The following GRIK1 variants were observed in gnomAD, a reference collection of about 807,000 sequenced individuals.
The protein encoded by GRIK1 is glutamate ionotropic receptor kainate type subunit 1, also known as glutamate receptor ionotropic, kainate 1.
In GRIK1, 69 loss-of-function variants were observed where a neutral mutation model predicts 105.7. That is an observed-to-expected ratio of 0.65 (90% CI 0.54 to 0.80). The LOEUF (loss-of-function observed/expected upper bound fraction) is 0.80, where lower values mean the gene tolerates loss of function less well. GRIK1 is among the 30% of genes least tolerant of loss of function. GRIK1 has a pLI of 0.00. For missense variants in GRIK1, 1,109 were observed against 1,167.3 expected, an observed-to-expected ratio of 0.95 and a Z score of 0.73; for synonymous variants, 438 against 431.3, an observed-to-expected ratio of 1.02 and a Z score of -0.19.
At chr21:29,854,120 C>A (rs898652705) in intron 1 of GRIK1, among the ~76,000 whole-genome samples, 2 of 151,970 alleles carry the variant, frequency 1.3e-5, no homozygotes, top group African/African-American at 4.8e-5. Flanking sequence ...AAGCATGATG[C>A]CTTCTGGTGA....
chr21:29,921,443 A>G (rs2071191230), intron 1 of GRIK1, among the ~76,000 whole-genome samples: 1 of 152,230 alleles, frequency 6.6e-6, no homozygotes, highest in Non-Finnish European at 1.5e-5. Context: ...TGGTTAAAAA[A>G]GTATCTTAAT....
intron 1 of GRIK1, among the ~76,000 whole-genome samples, chr21:29,695,046 A>T (rs1440569412): frequency 6.6e-6 from 1 of 151,982 alleles, no homozygotes; most frequent in Non-Finnish European, 1.5e-5. Context: ...CAGGTAACTG[A>T]AGAAATATGT....
rs141672961 is a variant in GRIK1, at chr21:29,777,584, C to T, written c.119-83521G>A. On this transcript the variant is annotated intron_variant, in intron 1 of 17. Transcript: ENST00000327783. The stretch of plus-strand genomic sequence containing the variant: ...GAAAAAGGTCTAATTGTGTTTGGAG[C>T]ATAGAGTGTTAAGGACATAGGTGAG... Among the ~76,000 whole-genome samples, 75 of 152,220 alleles carry T rather than the reference C, an allele frequency of 4.9e-4. No homozygotes were observed. The East Asian group carries it at 0.014, about 29-fold the overall frequency.
At position 29,696,869 on chromosome 21, in the gene GRIK1, A is replaced by T. The variant is rs146929585; in HGVS notation, c.119-2806T>A. Among the ~76,000 whole-genome samples the T allele has an allele frequency of 2.6e-3, 403 of 152,336 alleles. 4 individuals carry two copies. Among genetic ancestry groups the T allele is most frequent in the African/African-American group, 9.4e-3 (391 of 41,582 alleles). ...CCTGAATAGGAAACAGAAATTCTGA[A>T]TTTTGAAACCTGATCTACCTACTTC... On this transcript the variant is annotated intron_variant, in intron 1 of 17. Coordinates refer to ENST00000327783, the MANE Select transcript of GRIK1 (RefSeq NM_001330994.2).
chr21:29,936,878 C>G (rs1217910184), intron 1 of GRIK1, among the ~76,000 whole-genome samples: 1 of 152,144 alleles, frequency 6.6e-6, no homozygotes, highest in Non-Finnish European at 1.5e-5. Context: ...TATGAGGACC[C>G]AGTACTAAGT....
intron 1 of GRIK1, among the ~76,000 whole-genome samples, chr21:29,815,472 G>A (rs1054701006): frequency 1.3e-5 from 2 of 152,128 alleles, no homozygotes; most frequent in African/African-American, 4.8e-5. Flanking sequence ...ACTATGACTA[G>A]GGAGGTGGCA....
chr21:29,620,061 T>G (rs1351022552), intron 7 of GRIK1, among the ~76,000 whole-genome samples: 1 of 152,210 alleles, frequency 6.6e-6, no homozygotes, highest in East Asian at 1.9e-4. Flanking sequence ...AGAGATGCTG[T>G]GTCATCTGCA....
At chr21:29,710,562 G>A (rs2064019562) in intron 1 of GRIK1, among the ~76,000 whole-genome samples, 1 of 151,906 alleles carries the variant, frequency 6.6e-6, no homozygotes, top group Non-Finnish European at 1.5e-5. Context: ...TCAAGAATTT[G>A]TTTTAGACTG....
At chr21:29,905,855 T>C (rs2070616018) in intron 1 of GRIK1, among the ~76,000 whole-genome samples, 1 of 152,180 alleles carries the variant, frequency 6.6e-6, no homozygotes, top group African/African-American at 2.4e-5. Context: ...CTTGAACTTC[T>C]GACCTCAAGT....
At chr21:29,933,493 A>G (rs890162649) in intron 1 of GRIK1, among the ~76,000 whole-genome samples, 42 of 152,294 alleles carry the variant, frequency 2.8e-4, no homozygotes, top group African/African-American at 9.1e-4. Flanking sequence ...TTTGCTGCAG[A>G]ATTTCAAAAA....
At chr21:29,895,913 G>A (rs1310900407) in intron 1 of GRIK1, among the ~76,000 whole-genome samples, 4 of 152,180 alleles carry the variant, frequency 2.6e-5, no homozygotes, top group Non-Finnish European at 5.9e-5. Flanking sequence ...CATACTCAGT[G>A]TAGCACTTTC....
At chr21:29,590,977 A>G in intron 10 of GRIK1, 135 bp downstream of exon 10, 1 of 685,308 alleles carries the variant, frequency 1.5e-6, no homozygotes, top group Non-Finnish European at 2.7e-6. Flanking sequence ...GTACAAACAC[A>G]GGCTTTTAGT....
intron 1 of GRIK1, among the ~76,000 whole-genome samples, chr21:29,765,828 C>A (rs1241511476): frequency 2.0e-5 from 3 of 151,924 alleles, no homozygotes; most frequent in Non-Finnish European, 4.4e-5. Context: ...CTGTTCTTGT[C>A]AGCTTAAATT....
chr21:29,575,670 A>G (rs1433264641), intron 14 of GRIK1, among the ~76,000 whole-genome samples: 1 of 152,054 alleles, frequency 6.6e-6, no homozygotes, highest in Non-Finnish European at 1.5e-5. Context: ...TGTCTCTACT[A>G]AAAATACAAA....
At chr21:29,538,148 C>G (rs1432852776) in intron 16 of GRIK1, among the ~76,000 whole-genome samples, 2 of 152,078 alleles carry the variant, frequency 1.3e-5, no homozygotes, top group Admixed American at 1.3e-4. Flanking sequence ...ATAAATGGAC[C>G]AATAAAACAT....
At chr21:29,791,741 G>A (rs2066424964) in intron 1 of GRIK1, among the ~76,000 whole-genome samples, 1 of 152,140 alleles carries the variant, frequency 6.6e-6, no homozygotes, top group Non-Finnish European at 1.5e-5. Flanking sequence ...CTAAGGAGTT[G>A]GAGGGCCTGA....
chr21:29,620,806 G>GATATATATATCTATATATATATAGAT (rs1568897623), intron 7 of GRIK1, among the ~76,000 whole-genome samples: 3 of 105,242 alleles, frequency 2.9e-5, no homozygotes, highest in Non-Finnish European at 5.3e-5. Context: ...TATATATATA[G>GATATATATATCTATATATATATAGAT]ATATATATAT....
At chr21:29,896,422 C>T (rs1006948185) in intron 1 of GRIK1, among the ~76,000 whole-genome samples, 2 of 152,036 alleles carry the variant, frequency 1.3e-5, no homozygotes, top group African/African-American at 4.8e-5. Context: ...TGTTTGTGTA[C>T]CAAAAAGGAA....
intron 1 of GRIK1, among the ~76,000 whole-genome samples, chr21:29,859,351 TAAAGTATAATAAA>T (rs930971960): frequency 1.3e-5 from 2 of 150,258 alleles, no homozygotes; most frequent in African/African-American, 4.9e-5. Flanking sequence ...CCCTAGAACT[TAAAGTATAATAAA>T]AAAGTATATA....
Sources: gnomAD v4.1 joint callset for allele counts (sites outside exome capture counted in the v4.1 genomes callset) on GRCh38, gnomAD v4.1.1 for gene constraint, MANE v1.5 for transcripts, NCBI Gene and HGNC (gene_info 2026-07-23, HGNC 2026-07-21) for gene names.